ANKRD35: variants seen among roughly 807,000 people sequenced by gnomAD.
The protein encoded by ANKRD35 is ankyrin repeat domain 35.
Under a neutral mutation model 109.9 loss-of-function variants are expected in ANKRD35, and 102 were observed. The observed-to-expected ratio is 0.93, with a 90% CI of 0.79 to 1.09. The LOEUF is 1.09. ANKRD35 is among the 50% of genes least tolerant of loss of function. ANKRD35 has a pLI of 0.00. For missense variants in ANKRD35, 1,240 were observed against 1,230.1 expected (o/e 1.01, Z -0.12); for synonymous variants, 515 against 512.4 (o/e 1.01, Z -0.07).
At chr1:145,878,900 T>C (rs1654186978) in intron 2 of ANKRD35, among the ~76,000 whole-genome samples, 1 of 152,152 alleles carries the variant, frequency 6.6e-6, no homozygotes, top group Non-Finnish European at 1.5e-5. Context: ...GCCATGTGAC[T>C]CCCATGCTAC....
At chr1:145,871,141 C>CTTT (rs368486715) in intron 10 of ANKRD35, among the ~76,000 whole-genome samples, 1 of 75,578 alleles carries the variant, frequency 1.3e-5, no homozygotes, top group African/African-American at 4.6e-5. Context: ...TTCTTTCTTT[C>CTTT]TTTTCTTTTT....
rs11578772 is a variant in ANKRD35, at chr1:145,873,965, C to T, written c.804G>A (p.Gln268=). The T allele has an allele frequency of 0.11, 184,054 of 1,613,834 alleles. 12,608 individuals are homozygous for T. The highest frequency in any genetic ancestry group is 0.13 in the Non-Finnish European group (154,092 of 1,179,866). The change falls in exon 10 of 14, where the codon CAG becomes CAA. Residue 268 remains glutamine (Q), a synonymous_variant. Transcript: ENST00000355594. ...LASQASPSEP[Q]AGSPPKSSWR... ...ATGAGCTCTTAGGAGGAGAACCTGC[C>T]TGGGGCTCAGATGGAGAGGCCTATG...
intron 2 of ANKRD35, 50 bp downstream of exon 2, chr1:145,879,208 C>T (rs1553740654): frequency 1.3e-6 from 2 of 1,514,356 alleles, no homozygotes; most frequent in Non-Finnish European, 1.8e-6. Context: ...GATTTGGGGG[C>T]TTCAAAAGGG....
rs782243085 is a variant in ANKRD35, at chr1:145,873,619, CT to C, written c.1149del (p.Glu384SerfsTer2). The C allele has an allele frequency of 3.4e-5, 55 of 1,614,072 alleles. 1 individual carries two copies. The South Asian group carries it at 5.8e-4, about 17-fold the overall frequency. On this transcript the variant is annotated frameshift_variant, in exon 10 of 14. Transcript: ENST00000355594. LOFTEE classifies it high-confidence loss of function. ...GCTGCCTGCTGCTGCTTCTTTAGCTCTTGTGTACTCTCAGCCAGCAGGTCCT... is the reference window on the plus strand; with the variant it reads ...GCTGCCTGCTGCTGCTTCTTTAGCTCTGTGTACTCTCAGCCAGCAGGTCCT... Reference protein sequence around the residue: ...CPKDLLAESTQELKKQQQAAA... With the variant: ...CPKDLLAESTXELKKQQQAAA...
intron 10 of ANKRD35, 150 bp downstream of exon 10, chr1:145,871,832 A>T: frequency 1.0e-6 from 1 of 974,500 alleles, no homozygotes; most frequent in Non-Finnish European, 1.5e-6. Flanking sequence ...ACGAGAACAT[A>T]GTAGTGTGGT....
At position 145,872,342 on chromosome 1, in the gene ANKRD35, C is replaced by T. The variant is rs1416251818; in HGVS notation, c.2427G>A (p.Lys809=). The T allele has an allele frequency of 6.2e-7, 1 of 1,613,042 alleles. No homozygotes were observed. Among genetic ancestry groups the T allele is most frequent in the African/African-American group, 1.3e-5 (1 of 75,046 alleles). The change falls in exon 10 of 14, where the codon AAG becomes AAA. Residue 809 remains lysine (K), a synonymous_variant. Coordinates refer to ENST00000355594, the MANE Select transcript of ANKRD35 (RefSeq NM_144698.5). ...TMSGKSQEIG[K]LKQLLYQATE... is the part of the protein sequence containing the mutation. Reference sequence around the variant, plus strand: ...TGGCTTGGTAGAGCAGCTGCTTCAGCTTTCCGATCTCCTGGCTCTTCCCGC... The same window carrying T: ...TGGCTTGGTAGAGCAGCTGCTTCAGTTTTCCGATCTCCTGGCTCTTCCCGC...
rs1653881557 is a variant in ANKRD35, at chr1:145,872,630, C to T, written c.2139G>A (p.Val713=). The T allele has an allele frequency of 3.7e-6, 6 of 1,613,934 alleles. No homozygotes were observed. Among genetic ancestry groups the T allele is most frequent in the Non-Finnish European group, 5.1e-6 (6 of 1,179,970 alleles). Residue 713 remains valine (V), a synonymous_variant, in exon 10 of 14, where the codon GTG becomes GTA. Coordinates refer to ENST00000355594, the MANE Select transcript of ANKRD35 (RefSeq NM_144698.5). ...GLWDCLPADL[V]GERSAQSKAA... ...CTTTGCTTTGTGCACTCCTCTCGCCCACTAGGTCTGCGGGCAGGCAGTCCC... is the reference window on the plus strand; with the variant it reads ...CTTTGCTTTGTGCACTCCTCTCGCCTACTAGGTCTGCGGGCAGGCAGTCCC...
chr1:145,876,508 C>T, intron 6 of ANKRD35, 61 bp downstream of exon 6: 1 of 1,604,430 alleles, frequency 6.2e-7, no homozygotes, highest in South Asian at 1.1e-5. Flanking sequence ...GCCAGTCAAG[C>T]TGAGAGACAG....
Position 145,873,450 on chromosome 1 carries a change from G to A in ANKRD35, c.1319C>T (p.Thr440Ile), listed in dbSNP as rs1402896164. The A allele has an allele frequency of 8.1e-6, 13 of 1,613,868 alleles. No individual in the cohort carries two copies. The African/African-American group carries it at 1.3e-4, about 17-fold the overall frequency. The change falls in exon 10 of 14, where the codon ACA (threonine) becomes ATA (isoleucine). Residue 440 changes from threonine to isoleucine, a missense_variant. Thr to Ile is a moderately conservative substitution (Grantham distance 89). Coordinates refer to ENST00000355594, the MANE Select transcript of ANKRD35 (RefSeq NM_144698.5). ...CCCATTGGTAGTCAGTTGCTGTCCT[G>A]TGGCTTTCCTGATGGTCTCAGACGC... Reference protein sequence around the residue: ...SPASETIRKATGQQLTTNGAQ... With the variant: ...SPASETIRKAIGQQLTTNGAQ...
At position 145,873,773 on chromosome 1, in the gene ANKRD35, G is replaced by A. The variant is rs1553739479; in HGVS notation, c.996C>T (p.Asp332=). ...CCTGCTCTCGAATCTGGTTCTCAAGGTCCAGATAGGCTGCAGCTTGAGTCT... is the reference window on the plus strand; with the variant it reads ...CCTGCTCTCGAATCTGGTTCTCAAGATCCAGATAGGCTGCAGCTTGAGTCT... ...ECKTQAAAYL[D]LENQIREQAQ... The change falls in exon 10 of 14, where the codon GAC becomes GAT. Residue 332 remains aspartate, a synonymous_variant. Transcript: ENST00000355594. 1.2e-6 allele frequency: 2 copies of A among 1,611,380 alleles called. No homozygotes were observed. Among genetic ancestry groups the A allele is most frequent in the Admixed American group, 3.4e-5 (2 of 59,366 alleles).
At chr1:145,880,932 G>A (rs1354046149) in intron 1 of ANKRD35, among the ~76,000 whole-genome samples, 4 of 152,166 alleles carry the variant, frequency 2.6e-5, no homozygotes, top group Non-Finnish European at 5.9e-5. Context: ...AGAAACAGAA[G>A]TATACCAAGA....
chr1:145,883,029 G>A (rs1654349460), intron 1 of ANKRD35, among the ~76,000 whole-genome samples: 1 of 151,950 alleles, frequency 6.6e-6, no homozygotes, highest in Non-Finnish European at 1.5e-5. Context: ...ACAGAAAGGG[G>A]AACCAGGACC....
At chr1:145,867,148 A>G in intron 13 of ANKRD35, 139 bp downstream of exon 13, 1 of 582,766 alleles carries the variant, frequency 1.7e-6, no homozygotes. Context: ...CTTCTCAGTC[A>G]CCTCAAATGC....
At position 145,881,014 on chromosome 1, in the gene ANKRD35, G is replaced by A. The variant is rs140066999; in HGVS notation, c.40-1626C>T. ...TAGAATCCAGGCCATGGCTGGGTGC[G>A]GTGGTTCACGCCTGCAATCCCAGCA... On this transcript the variant is annotated intron_variant, in intron 1 of 13. Transcript: ENST00000355594. 8.7e-3 allele frequency among the ~76,000 whole-genome samples: 1,319 copies of A among 152,288 alleles called. 29 individuals are homozygous for A. The highest frequency in any genetic ancestry group is 0.03 in the African/African-American group (1,258 of 41,548).
At position 145,882,357 on chromosome 1, in the gene ANKRD35, C is replaced by A. The variant is rs377701094; in HGVS notation, c.40-2969G>T. ...TGTTGCCCAGGCTGAAGTGCAGTGG[C>A]ATGATCATGGCTCACTGCAGCCTTG... On this transcript the variant is annotated intron_variant, in intron 1 of 13. Coordinates refer to ENST00000355594, the MANE Select transcript of ANKRD35 (RefSeq NM_144698.5). Among the ~76,000 whole-genome samples, 16 of 141,684 alleles carry A rather than the reference C, an allele frequency of 1.1e-4. No individual in the cohort carries two copies. The East Asian group carries it at 2.1e-3, about 18-fold the overall frequency. 93.0% of individuals were successfully genotyped at this position (141,684 alleles called of 152,430 possible).
In ANKRD35 at chr1:145,867,403, C is replaced by T; in HGVS notation, c.2944-11G>A. 1 of 1,612,772 alleles carries T rather than the reference C, an allele frequency of 6.2e-7. No homozygotes were observed. Among genetic ancestry groups the T allele is most frequent in the Non-Finnish European group, 8.5e-7 (1 of 1,179,168 alleles). On this transcript the variant is annotated splice_polypyrimidine_tract_variant and intron_variant, in intron 12 of 13. Transcript: ENST00000355594. Reference sequence around the variant, plus strand: ...ATGTTCCATGTAACCCTGTAGATGTCAGGAAAGGAAGAAAAGGAGATGAAG... The same window carrying T: ...ATGTTCCATGTAACCCTGTAGATGTTAGGAAAGGAAGAAAAGGAGATGAAG...
intron 4 of ANKRD35, 50 bp from the exon 5 acceptor site, chr1:145,876,923 T>G: frequency 6.3e-7 from 1 of 1,599,444 alleles, no homozygotes; most frequent in East Asian, 2.2e-5. Context: ...GTTAACATCC[T>G]CATCCCATAC....
chr1:145,877,979 C>A lies in ANKRD35; in HGVS notation c.313G>T (p.Val105Phe). 1 of 1,614,048 alleles carries A rather than the reference C, an allele frequency of 6.2e-7. No individual in the cohort carries two copies. Among genetic ancestry groups the A allele is most frequent in the Non-Finnish European group, 8.5e-7 (1 of 1,179,964 alleles). Reference protein sequence around the residue: ...TISCQPQCVKVLLQHGANEDA... With the variant: ...TISCQPQCVKFLLQHGANEDA... ...GGGACTGCTCTTACCTGAAGCAGAA[C>A]CTTAACACACTGTGGCTGGCAGGAG... Residue 105 changes from valine (V) to phenylalanine (F), a missense_variant, in exon 4 of 14, where the codon GTT (valine) becomes TTT (phenylalanine). Physicochemically the swap from Val to Phe is conservative, Grantham distance 50 (BLOSUM62 -1). Transcript: ENST00000355594.
At chr1:145,878,550 G>T in intron 2 of ANKRD35, 71 bp from the exon 3 acceptor site, 3 of 1,414,772 alleles carry the variant, frequency 2.1e-6, no homozygotes, top group Non-Finnish European at 2.9e-6. Flanking sequence ...ATCTTGATAA[G>T]CCCTTCTTGC....
Sources: allele counts gnomAD v4.1 joint callset (sites outside exome capture counted in the v4.1 genomes callset), GRCh38; gene constraint gnomAD v4.1.1; transcripts MANE v1.5; gene names NCBI Gene and HGNC (gene_info 2026-07-23, HGNC 2026-07-21).